The following ARHGEF5 variants were observed in gnomAD, a reference collection of about 807,000 sequenced individuals.
ARHGEF5 encodes the protein Rho guanine nucleotide exchange factor (GEF) 5.
ARHGEF5 carries 11 observed loss-of-function variants against 104.0 expected under a neutral mutation model. The observed-to-expected ratio is 0.11, with a 90% confidence interval of 0.07 to 0.18. The LOEUF is 0.18. Ranked by LOEUF, ARHGEF5 falls within the 10% of genes least tolerant of loss-of-function variation. The pLI, the probability that ARHGEF5 is intolerant of heterozygous loss-of-function variation, is 1.00. For synonymous variants in ARHGEF5, 60 were observed against 512.2 expected, an observed-to-expected ratio of 0.12 and a Z score of 11.92; for missense variants, 165 against 1,335.4, an observed-to-expected ratio of 0.12 and a Z score of 13.66.
rs558598754 is a variant in ARHGEF5 at position 144,380,237 on chromosome 7, G to T, written c.*181G>T. On this transcript the variant is annotated 3_prime_UTR_variant, in exon 15 of 15. Transcript: ENST00000056217. Reference sequence around the variant, plus strand: ...CCTCCTTTCGTGCTTTGTGCTTGGTGGGGGGGATTTCGAGGGACTTTGCAC... The same window carrying T: ...CCTCCTTTCGTGCTTTGTGCTTGGTTGGGGGGATTTCGAGGGACTTTGCAC... 14 of 710,500 alleles carry T rather than the reference G, an allele frequency of 2.0e-5. No homozygotes were observed. The South Asian group carries it at 2.1e-4, about 11-fold the overall frequency. The allele number at this position is 710,500 out of a possible 1,614,324, so 44.0% of individuals were successfully genotyped here.
rs199839310 is a variant in ARHGEF5 at position 144,363,606 on chromosome 7, A to C, written c.937A>C (p.Lys313Gln). Residue 313 changes from lysine (K) to glutamine (Q), a missense_variant, in exon 2 of 15, where the codon AAG becomes CAG. Coordinates refer to ENST00000056217, the MANE Select transcript of ARHGEF5 (RefSeq NM_005435.4). ...GTGGGAGCAGGAGGATATGGAGAGG[A>C]AGGCTCAGGGTCAGGGAGGTCCAGA... ...GEWEQEDMER[K>Q]AQGQGGPEQG... 2 of 1,504,426 alleles carry C rather than the reference A, an allele frequency of 1.3e-6. No homozygotes were observed. Among genetic ancestry groups the C allele is most frequent in the Admixed American group, 1.7e-5 (1 of 57,518 alleles). The allele number at this position is 1,504,426 out of a possible 1,614,324, so 93.2% of individuals were successfully genotyped here. A position where few individuals can be genotyped will look rare whatever the true frequency, so the allele number is the denominator to read the frequency against.
intron 14 of ARHGEF5, 84 bp from the exon 15 acceptor site, chr7:144,379,815 C>G: frequency 6.4e-7 from 1 of 1,555,576 alleles, no homozygotes; most frequent in Non-Finnish European, 8.8e-7. Context: ...CCTGAGGATT[C>G]AGAAAACTCT....
chr7:144,377,786 T>G (rs1055735021), intron 13 of ARHGEF5, among the ~76,000 whole-genome samples: 2 of 152,136 alleles, frequency 1.3e-5, no homozygotes, highest in African/African-American at 4.8e-5. Context: ...CTTTAGTGAC[T>G]GAAAAGAACA....
intron 13 of ARHGEF5, among the ~76,000 whole-genome samples, chr7:144,378,311 C>G (rs1382957036): frequency 6.6e-6 from 1 of 152,188 alleles, no homozygotes; most frequent in African/African-American, 2.4e-5. Context: ...GGTTCCACAT[C>G]TGGTACTGGG....
chr7:144,378,934 C>T, intron 14 of ARHGEF5, 68 bp downstream of exon 14: 1 of 1,426,922 alleles, frequency 7.0e-7, no homozygotes, highest in Non-Finnish European at 9.9e-7. Context: ...AGTGTGTTCA[C>T]TTCCTGCAGC....
At chr7:144,361,031 C>T (rs2053634513) in intron 1 of ARHGEF5, among the ~76,000 whole-genome samples, 1 of 144,658 alleles carries the variant, frequency 6.9e-6, no homozygotes, top group African/African-American at 2.5e-5. Context: ...AGATTGAGAC[C>T]ATCCTGGCCA....
chr7:144,379,642 T>C (rs376304885), intron 14 of ARHGEF5, among the ~76,000 whole-genome samples: 26 of 152,198 alleles, frequency 1.7e-4, no homozygotes, highest in African/African-American at 4.1e-4. Flanking sequence ...TTTTGAGGTA[T>C]AGAGGATTAG....
chr7:144,372,139 TATTGGTTACCCCAGC>T, intron 7 of ARHGEF5, 110 bp downstream of exon 7: 1 of 227,740 alleles, frequency 4.4e-6, no homozygotes, highest in South Asian at 2.4e-5. Flanking sequence ...CCGCCCTCTG[TATTGGTTACCCCAGC>T]ATCACATCTG....
chr7:144,379,982 G>T lies in ARHGEF5; in HGVS notation c.4720G>T (p.Val1574Phe). The change falls in exon 15 of 15, where the codon GTC becomes TTC. Residue 1574 changes from valine to phenylalanine, a missense_variant. By Grantham distance (50) the Val-to-Phe change is conservative. Transcript: ENST00000056217. ...GGTGGAGTTCATTTCCAACCCAGAG[G>T]TCCGTGCACAGAACCTGAAGGAAGC... ...QQVEFISNPE[V>F]RAQNLKEAHR... 1.9e-6 allele frequency: 3 copies of T among 1,614,196 alleles called. No homozygotes were observed. Among genetic ancestry groups the T allele is most frequent in the Non-Finnish European group, 2.5e-6 (3 of 1,180,044 alleles).
intron 12 of ARHGEF5, 109 bp from the exon 13 acceptor site, chr7:144,377,011 G>T: frequency 1.8e-6 from 1 of 543,622 alleles, no homozygotes; most frequent in Non-Finnish European, 3.2e-6. Context: ...GTGTTTGATA[G>T]AAGTCATGGA....
rs368819603 is a variant in ARHGEF5, at chr7:144,373,210, A to G, written c.4066A>G (p.Asn1356Asp). Residue 1356 changes from asparagine (N) to aspartate (D), a missense_variant, in exon 10 of 15, where the codon AAT (asparagine) becomes GAT (aspartate). Transcript: ENST00000056217. Reference sequence around the variant, plus strand: ...GCACCCCTAGCTGATCCGGGACTGCAATAACAATGTCCAGAGTATGCGACG... The same window carrying G: ...GCACCCCTAGCTGATCCGGGACTGCGATAACAATGTCCAGAGTATGCGACG... The part of the protein sequence containing the change: ...HALEQLIRDC[N>D]NNVQSMRRTE... 155 of 1,448,400 alleles carry G rather than the reference A, an allele frequency of 1.1e-4. 8 individuals carry two copies. The highest frequency in any genetic ancestry group is 9.5e-4 in the East Asian group (40 of 42,142). The allele number at this position is 1,448,400 out of a possible 1,614,324, so 89.7% of individuals were successfully genotyped here.
intron 14 of ARHGEF5, 76 bp from the exon 15 acceptor site, chr7:144,379,823 T>C: frequency 6.4e-7 from 1 of 1,574,106 alleles, no homozygotes; most frequent in East Asian, 2.3e-5. Context: ...TTCAGAAAAC[T>C]CTCCAGGAAG....
rs200973815 is a variant in ARHGEF5 at position 144,378,865 on chromosome 7, C to G, written c.4635C>G (p.Asp1545Glu). 23 of 1,613,614 alleles carry G rather than the reference C, an allele frequency of 1.4e-5. No individual in the cohort carries two copies. Among genetic ancestry groups the G allele is most frequent in the Non-Finnish European group, 1.9e-5 (23 of 1,179,706 alleles). Residue 1545 changes from aspartate to glutamate, a missense_variant and splice_region_variant, in exon 14 of 15, where the codon GAC (aspartate) becomes GAG (glutamate). Transcript: ENST00000056217. ...TGATGGTGACTCAGCAGAGCAGTGA[C>G]GGTAAGCGGGAGCATGCGTGAGCAG... ...DVVMVTQQSS[D>E]GWLEGVRLSD...
Position 144,379,862 on chromosome 7 carries a change from T to TCACTCA in ARHGEF5, c.4637-36_4637-35insACTCAC, listed in dbSNP as rs762517622. 7 of 1,613,100 alleles carry TCACTCA rather than the reference T, an allele frequency of 4.3e-6. No individual in the cohort carries two copies. The African/African-American group carries it at 6.7e-5, about 15-fold the overall frequency. ...ATCCAGAGAAGCTATCGTGAGCCTT[T>TCACTCA]CCCAGGTAATTCTTCCCACTCACCC... On this transcript the variant is annotated intron_variant, in intron 14 of 14. Transcript: ENST00000056217.
In ARHGEF5 at chr7:144,360,866, T is replaced by A. The variant is rs2053632674; in HGVS notation, c.-12-1792T>A. Among the ~76,000 whole-genome samples the A allele has an allele frequency of 2.1e-5, 3 of 144,178 alleles. No homozygotes were observed. The Admixed American group carries it at 2.1e-4, about 10-fold the overall frequency. 94.6% of individuals were successfully genotyped at this position (144,178 alleles called of 152,430 possible). Reference sequence around the variant, plus strand: ...TATATAATTATAATTGTATAAATGCTACAAAGGAAAAGTAAAGAGAATTAT... The same window carrying A: ...TATATAATTATAATTGTATAAATGCAACAAAGGAAAAGTAAAGAGAATTAT... On this transcript the variant is annotated intron_variant, in intron 1 of 14. Transcript: ENST00000056217.
chr7:144,371,751 CAG>C, intron 6 of ARHGEF5, 124 bp from the exon 7 acceptor site: 2 of 96,974 alleles, frequency 2.1e-5, no homozygotes, highest in South Asian at 1.2e-4. Context: ...GAGCACAGAG[CAG>C]AGAGTCAATA....
rs2053779291 is a variant in ARHGEF5, at chr7:144,378,751, C to A, written c.4532-11C>A. The A allele has an allele frequency of 6.2e-7, 1 of 1,611,938 alleles. No individual in the cohort carries two copies. The highest frequency in any genetic ancestry group is 8.5e-7 in the Non-Finnish European group (1 of 1,178,270). ...TCTCCTAACCTCTCTTCACACTCTT[C>A]TCTTCCAAAGACTCCCCCCAGGTAC... On this transcript the variant is annotated splice_polypyrimidine_tract_variant and intron_variant, in intron 13 of 14. Transcript: ENST00000056217.
intron 14 of ARHGEF5, among the ~76,000 whole-genome samples, chr7:144,379,161 G>A (rs2053782813): frequency 6.6e-6 from 1 of 152,126 alleles, no homozygotes; most frequent in Non-Finnish European, 1.5e-5. Context: ...CTGTCTTCCT[G>A]TGGCTAGCTG....
At chr7:144,361,087 G>A (rs1352322102) in intron 1 of ARHGEF5, among the ~76,000 whole-genome samples, 2 of 143,266 alleles carry the variant, frequency 1.4e-5, no homozygotes, top group African/African-American at 2.6e-5. Context: ...AATTAGCTGG[G>A]TGTGGTGGCA....
Sources: gnomAD v4.1 joint callset for allele counts (sites outside exome capture counted in the v4.1 genomes callset) on GRCh38, gnomAD v4.1.1 for gene constraint, MANE v1.5 for transcripts, NCBI Gene and HGNC (gene_info 2026-07-23, HGNC 2026-07-21) for gene names.